ZBBX: variants seen among roughly 807,000 people sequenced by gnomAD.
The protein encoded by ZBBX is zinc finger B-box domain containing.
ZBBX carries 101 observed loss-of-function variants against 108.5 expected under a neutral mutation model. That is an observed-to-expected ratio of 0.93 (90% CI 0.79 to 1.10). The LOEUF (loss-of-function observed/expected upper bound fraction) is 1.10. ZBBX is among the 50% of genes least tolerant of loss of function. ZBBX has a pLI of 0.00. For missense variants in ZBBX, 1,009 were observed against 941.4 expected, an observed-to-expected ratio of 1.07 and a Z score of -0.94; for synonymous variants, 356 against 323.4, an observed-to-expected ratio of 1.10 and a Z score of -1.08.
intron 11 of ZBBX, among the ~76,000 whole-genome samples, chr3:167,326,587 A>G (rs1234848122): frequency 1.3e-5 from 2 of 152,098 alleles, no homozygotes; most frequent in Non-Finnish European, 1.5e-5. Context: ...AAGAATTTCT[A>G]TAGAATAATT....
At chr3:167,194,289 A>G in the ZBBX span, among the ~76,000 whole-genome samples, 114 of 150,280 alleles carry the variant, frequency 7.6e-4, no homozygotes, top group African/African-American at 2.7e-3. Context: ...AGAGCACAGA[A>G]CTGTAAAAGC....
At chr3:167,196,374 A>G in the ZBBX span, among the ~76,000 whole-genome samples, 2 of 152,202 alleles carry the variant, frequency 1.3e-5, no homozygotes, top group Non-Finnish European at 1.5e-5. Context: ...TCACCTTACA[A>G]AAAGTTTTTT....
intron 20 of ZBBX, among the ~76,000 whole-genome samples, chr3:167,253,343 G>T (rs573558326): frequency 6.6e-6 from 1 of 152,252 alleles, no homozygotes; most frequent in East Asian, 1.9e-4. Flanking sequence ...AGAAAAGTAG[G>T]TGAAAAGAAG....
intron 16 of ZBBX, among the ~76,000 whole-genome samples, chr3:167,312,982 G>A (rs1268051568): frequency 6.6e-6 from 1 of 151,894 alleles, no homozygotes; most frequent in Non-Finnish European, 1.5e-5. Context: ...TAAAATTCTA[G>A]GTAGATCAAA....
At chr3:167,390,162 A>G (rs902035029) in intron 1 of ZBBX, among the ~76,000 whole-genome samples, 4 of 152,160 alleles carry the variant, frequency 2.6e-5, no homozygotes, top group Non-Finnish European at 5.9e-5. Flanking sequence ...GAAAGGGTCC[A>G]GTTTCAGTTT....
chr3:167,314,196 T>G, intron 15 of ZBBX, 80 bp from the exon 16 acceptor site: 1 of 1,218,650 alleles, frequency 8.2e-7, no homozygotes, highest in Non-Finnish European at 1.1e-6. Flanking sequence ...CCCAAGTCAT[T>G]AAAACAAATA....
rs1208813904 is a variant in ZBBX at position 167,280,748 on chromosome 3, T to C, written c.2254+1490A>G. ...ATACCATTTGACCCAGCCATCCCATTACTGGGTATATACCCAAAGGACTAT... is the reference window on the plus strand; with the variant it reads ...ATACCATTTGACCCAGCCATCCCATCACTGGGTATATACCCAAAGGACTAT... On this transcript the variant is annotated intron_variant, in intron 20 of 21. Coordinates refer to ENST00000675490, the MANE Select transcript of ZBBX (RefSeq NM_001199201.2). 6.3e-4 allele frequency among the ~76,000 whole-genome samples: 95 copies of C among 151,854 alleles called. 1 individual carries two copies. The highest frequency in any genetic ancestry group is 1.1e-3 in the African/African-American group (47 of 41,470).
At chr3:167,402,786 A>C (rs571303225) in intron 1 of ZBBX, among the ~76,000 whole-genome samples, 14,406 of 63,160 alleles carry the variant, frequency 0.23, 2,141 homozygotes, top group African/African-American at 0.5. Flanking sequence ...TACAATATGT[A>C]AAAAAAAAAA....
intron 20 of ZBBX, among the ~76,000 whole-genome samples, chr3:167,267,330 A>G (rs1725703144): frequency 6.6e-6 from 1 of 152,192 alleles, no homozygotes; most frequent in South Asian, 2.1e-4. Context: ...TAGGCAAGAG[A>G]TTCCTCATAC....
rs370615745 is a variant in ZBBX, at chr3:167,401,761, A to G, written c.-446+5965T>C. Among the ~76,000 whole-genome samples, 5 of 152,052 alleles carry G rather than the reference A, an allele frequency of 3.3e-5. No individual in the cohort carries two copies. The East Asian group carries it at 9.6e-4, about 29-fold the overall frequency. ...CCTGTATCTTCTGCCAACCTCCTATACTTAGAATGCCTTAACTGTCTGGGA... is the reference window on the plus strand; with the variant it reads ...CCTGTATCTTCTGCCAACCTCCTATGCTTAGAATGCCTTAACTGTCTGGGA... On this transcript the variant is annotated intron_variant, in intron 1 of 21. Transcript: ENST00000455345.
intron 17 of ZBBX, 70 bp from the exon 18 acceptor site, chr3:167,298,528 G>A: frequency 8.4e-7 from 1 of 1,195,098 alleles, no homozygotes; most frequent in East Asian, 2.7e-5. Context: ...TCATTTATCA[G>A]ATACCTACTT....
chr3:167,193,426 G>A, the ZBBX span, among the ~76,000 whole-genome samples: 1 of 152,046 alleles, frequency 6.6e-6, no homozygotes, highest in African/African-American at 2.4e-5. Flanking sequence ...GAGATTTCAG[G>A]GTTAGAGATG....
intron 16 of ZBBX, among the ~76,000 whole-genome samples, chr3:167,308,038 G>A (rs536120884): frequency 4.9e-4 from 74 of 152,240 alleles, no homozygotes; most frequent in African/African-American, 1.7e-3. Flanking sequence ...ACTACAGAAT[G>A]GGGGAAAACT....
At chr3:167,402,784 G>GCAA (rs1560217934) in intron 1 of ZBBX, among the ~76,000 whole-genome samples, 6 of 123,902 alleles carry the variant, frequency 4.8e-5, no homozygotes, top group African/African-American at 1.7e-4. Flanking sequence ...ACTACAATAT[G>GCAA]TAAAAAAAAA....
At chr3:167,298,794 A>G (rs1303986111) in intron 17 of ZBBX, among the ~76,000 whole-genome samples, 4 of 152,058 alleles carry the variant, frequency 2.6e-5, no homozygotes, top group Non-Finnish European at 5.9e-5. Flanking sequence ...TTTCACACGC[A>G]GTGGCTTTGA....
chr3:167,200,954 A>G, the ZBBX span, among the ~76,000 whole-genome samples: 1 of 152,150 alleles, frequency 6.6e-6, no homozygotes, highest in Non-Finnish European at 1.5e-5. Flanking sequence ...AATTGCTGAT[A>G]AAGAATATCC....
intron 20 of ZBBX, among the ~76,000 whole-genome samples, chr3:167,260,860 A>G (rs1402813055): frequency 2.0e-5 from 3 of 152,130 alleles, no homozygotes; most frequent in African/African-American, 7.2e-5. Context: ...GCTTGGATCA[A>G]TTGCTGGTGA....
intron 20 of ZBBX, among the ~76,000 whole-genome samples, chr3:167,246,833 T>C (rs1217231027): frequency 6.6e-6 from 1 of 152,250 alleles, no homozygotes; most frequent in Non-Finnish European, 1.5e-5. Flanking sequence ...GTTATTTATA[T>C]AAAGCTATTT....
intron 11 of ZBBX, among the ~76,000 whole-genome samples, chr3:167,326,729 A>G (rs1737450335): frequency 6.6e-6 from 1 of 152,098 alleles, no homozygotes; most frequent in Non-Finnish European, 1.5e-5. Flanking sequence ...CAGCATCCAA[A>G]TAATGTCTTG....
Sources: gnomAD v4.1 joint callset for allele counts (sites outside exome capture counted in the v4.1 genomes callset) on GRCh38, gnomAD v4.1.1 for gene constraint, MANE v1.5 for transcripts, NCBI Gene and HGNC (gene_info 2026-07-23, HGNC 2026-07-21) for gene names.